CLYBL: variants seen among roughly 807,000 people sequenced by gnomAD.
CLYBL encodes citramalyl-CoA lyase.
Under a neutral mutation model 38.9 loss-of-function variants are expected in CLYBL, and 31 were observed. The observed-to-expected ratio is 0.80, with a 90% CI of 0.60 to 1.08. The LOEUF (loss-of-function observed/expected upper bound fraction) is 1.08, where lower values mean the gene tolerates loss of function less well. Ranked by LOEUF, CLYBL falls within the 50% of genes least tolerant of loss-of-function variation. The pLI, the probability that CLYBL is intolerant of heterozygous loss-of-function variation, is 0.00. For synonymous variants in CLYBL, 171 were observed against 158.6 expected (o/e 1.08, Z -0.59); for missense variants, 434 against 411.6 (o/e 1.05, Z -0.47).
intron 5 of CLYBL, 29 bp from the exon 6 acceptor site, chr13:99,866,208 GCCT>G (rs1462879760): frequency 6.2e-7 from 1 of 1,607,864 alleles, no homozygotes; most frequent in African/African-American, 1.3e-5. Flanking sequence ...CAAAGTTAAA[GCCT>G]CCTTTTTCTG....
At chr13:99,616,785 G>A (rs778260843) in intron 1 of CLYBL, among the ~76,000 whole-genome samples, 72 of 151,952 alleles carry the variant, frequency 4.7e-4, no homozygotes, top group Non-Finnish European at 7.8e-4. Flanking sequence ...GTGAAACCCC[G>A]TCTCTACTAA....
chr13:99,702,685 T>G (rs1197120013), intron 1 of CLYBL, among the ~76,000 whole-genome samples: 1 of 151,780 alleles, frequency 6.6e-6, no homozygotes, highest in African/African-American at 2.4e-5. Flanking sequence ...CAGAATGCTC[T>G]GCAAGTTCAA....
At chr13:99,793,570 A>G (rs1164594359) in intron 2 of CLYBL, among the ~76,000 whole-genome samples, 2 of 152,148 alleles carry the variant, frequency 1.3e-5, no homozygotes, top group Non-Finnish European at 2.9e-5. Flanking sequence ...TTGAACAGTA[A>G]TTGTTAAAAA....
chr13:99,841,092 G>A (rs1352958268), intron 2 of CLYBL, among the ~76,000 whole-genome samples: 1 of 152,156 alleles, frequency 6.6e-6, no homozygotes, highest in African/African-American at 2.4e-5. Context: ...ACTGATTCCG[G>A]ACTTAAGGTT....
rs185777148 is a variant in CLYBL at position 99,708,761 on chromosome 13, G to A, written c.63-64063G>A. Among the ~76,000 whole-genome samples the A allele has an allele frequency of 2.6e-5, 4 of 152,238 alleles. No individual in the cohort carries two copies. The East Asian group carries it at 7.7e-4, about 29-fold the overall frequency. On this transcript the variant is annotated intron_variant, in intron 1 of 8. Coordinates refer to ENST00000339105, the MANE Select transcript of CLYBL (RefSeq NM_206808.5). ...AACCACAGGTACTCAGAATGTGATT[G>A]TATTTGGAAACATGGCCATTGTAGA...
At chr13:99,818,591 C>T (rs1352830165) in intron 2 of CLYBL, among the ~76,000 whole-genome samples, 1 of 152,192 alleles carries the variant, frequency 6.6e-6, no homozygotes, top group Non-Finnish European at 1.5e-5. Context: ...TACAACAACT[C>T]ATACTGCTGG....
chr13:99,659,139 C>T (rs928384415), intron 1 of CLYBL, among the ~76,000 whole-genome samples: 3 of 152,064 alleles, frequency 2.0e-5, no homozygotes, highest in Non-Finnish European at 4.4e-5. Context: ...GCTATTCACC[C>T]TTGCATTTTA....
At chr13:99,609,874 T>C (rs1376623140) in intron 1 of CLYBL, among the ~76,000 whole-genome samples, 2 of 152,186 alleles carry the variant, frequency 1.3e-5, no homozygotes, top group East Asian at 1.9e-4. Flanking sequence ...ATATTCTCTA[T>C]GTACTGAAAC....
chr13:99,611,207 A>G (rs1332804416), intron 1 of CLYBL, among the ~76,000 whole-genome samples: 1 of 152,162 alleles, frequency 6.6e-6, no homozygotes, highest in African/African-American at 2.4e-5. Flanking sequence ...AATGATCCCT[A>G]TATTGCTGCA....
At chr13:99,645,247 A>C (rs993081695) in intron 1 of CLYBL, among the ~76,000 whole-genome samples, 1 of 152,236 alleles carries the variant, frequency 6.6e-6, no homozygotes. Context: ...CTGTAATCCC[A>C]GCACTTTGGG....
chr13:99,733,747 T>C (rs2048626532), intron 1 of CLYBL, among the ~76,000 whole-genome samples: 1 of 152,224 alleles, frequency 6.6e-6, no homozygotes, highest in Non-Finnish European at 1.5e-5. Flanking sequence ...GATGCTAAAC[T>C]GGAGTTTAAT....
intron 2 of CLYBL, among the ~76,000 whole-genome samples, chr13:99,819,416 TTATATATA>T (rs71715024): frequency 0.018 from 331 of 18,304 alleles, 1 homozygote; most frequent in Admixed American, 0.023. Context: ...GGGAAAAAAT[TTATATATA>T]TATATATATA....
intron 1 of CLYBL, among the ~76,000 whole-genome samples, chr13:99,771,232 G>C (rs2049388725): frequency 2.0e-5 from 3 of 151,928 alleles, no homozygotes; most frequent in Non-Finnish European, 4.4e-5. Flanking sequence ...TTTCCTGATA[G>C]AGCCGAGATT....
At chr13:99,805,098 T>C (rs2050205986) in intron 2 of CLYBL, among the ~76,000 whole-genome samples, 1 of 152,234 alleles carries the variant, frequency 6.6e-6, no homozygotes, top group South Asian at 2.1e-4. Context: ...AAAATGTCTT[T>C]CCTTTTTGAG....
At chr13:99,640,527 T>C (rs1393227797) in intron 1 of CLYBL, among the ~76,000 whole-genome samples, 32 of 152,250 alleles carry the variant, frequency 2.1e-4, no homozygotes. Flanking sequence ...TTTTGAGTAG[T>C]TGACAGCTGT....
At chr13:99,609,230 T>TA (rs1462630199) in intron 1 of CLYBL, among the ~76,000 whole-genome samples, 2 of 138,428 alleles carry the variant, frequency 1.4e-5, no homozygotes, top group African/African-American at 5.3e-5. Flanking sequence ...AGGCTGGAGT[T>TA]CAGTGGCGCA....
At chr13:99,903,587 G>A (rs1340862490) in intron 8 of CLYBL, among the ~76,000 whole-genome samples, 1 of 151,986 alleles carries the variant, frequency 6.6e-6, no homozygotes, top group Non-Finnish European at 1.5e-5. Flanking sequence ...ACTCTTAAAG[G>A]TGAAAAATAA....
intron 1 of CLYBL, among the ~76,000 whole-genome samples, chr13:99,747,763 G>GTGTTTGTACAGCCTACCTTA (rs1320339172): frequency 1.3e-5 from 2 of 152,156 alleles, no homozygotes; most frequent in African/African-American, 4.8e-5. Context: ...CTTCTGGTCC[G>GTGTTTGTACAGCCTACCTTA]TGTTTGTACA....
At chr13:99,654,482 C>T (rs2047300083) in intron 1 of CLYBL, among the ~76,000 whole-genome samples, 1 of 152,214 alleles carries the variant, frequency 6.6e-6, no homozygotes, top group Non-Finnish European at 1.5e-5. Context: ...ATCTTCTTCT[C>T]CCAAGTCTTC....
Sources: allele counts gnomAD v4.1 joint callset (sites outside exome capture counted in the v4.1 genomes callset), GRCh38; gene constraint gnomAD v4.1.1; transcripts MANE v1.5; gene names NCBI Gene and HGNC (gene_info 2026-07-23, HGNC 2026-07-21).